Variants in ARHGAP24 observed in about 807,000 individuals in gnomAD.
The protein encoded by ARHGAP24 is Rho GTPase activating protein 24.
Under a neutral mutation model 76.4 loss-of-function variants are expected in ARHGAP24, and 50 were observed. The ratio of observed to expected loss-of-function variants is 0.65; its 90% confidence interval spans 0.52 to 0.83. The LOEUF (loss-of-function observed/expected upper bound fraction) is 0.83. Among genes scored for constraint, ARHGAP24 ranks in the 40% least tolerant of loss-of-function variants. ARHGAP24 has a pLI of 0.00. For missense variants in ARHGAP24, 930 were observed against 914.2 expected (o/e 1.02, Z -0.22); for synonymous variants, 345 against 323.3 (o/e 1.07, Z -0.72).
intron 3 of ARHGAP24, among the ~76,000 whole-genome samples, chr4:85,749,645 C>T (rs1726182873): frequency 6.6e-6 from 1 of 152,122 alleles, no homozygotes; most frequent in Non-Finnish European, 1.5e-5. Flanking sequence ...AGTCTTGGCC[C>T]ACTGCAACCT....
chr4:85,844,278 C>G (rs1302529274), intron 3 of ARHGAP24, among the ~76,000 whole-genome samples: 3 of 152,192 alleles, frequency 2.0e-5, no homozygotes. Context: ...CCAATAGGAT[C>G]CATTAGCGGA....
intron 3 of ARHGAP24, among the ~76,000 whole-genome samples, chr4:85,890,160 A>G (rs967875921): frequency 2.0e-5 from 3 of 152,174 alleles, no homozygotes; most frequent in Non-Finnish European, 4.4e-5. Flanking sequence ...CCTCTTAGCT[A>G]TCAGTTAACA....
chr4:85,949,830 T>C (rs914615412), intron 5 of ARHGAP24, among the ~76,000 whole-genome samples: 1 of 152,194 alleles, frequency 6.6e-6, no homozygotes, highest in African/African-American at 2.4e-5. Flanking sequence ...ACAATCTACC[T>C]TATTCACTCA....
intron 3 of ARHGAP24, among the ~76,000 whole-genome samples, chr4:85,839,160 A>G (rs1730450558): frequency 6.6e-6 from 1 of 152,256 alleles, no homozygotes; most frequent in Non-Finnish European, 1.5e-5. Flanking sequence ...AAAACAGAGA[A>G]GACTCAGTAA....
intron 8 of ARHGAP24, 128 bp downstream of exon 8, chr4:85,977,819 G>A: frequency 8.7e-7 from 1 of 1,145,582 alleles, no homozygotes; most frequent in Non-Finnish European, 1.3e-6. Context: ...TTTATTAACT[G>A]AAGTTCTTTA....
chr4:85,628,093 C>G (rs1282771072), intron 2 of ARHGAP24, among the ~76,000 whole-genome samples: 2 of 152,182 alleles, frequency 1.3e-5, no homozygotes, highest in Non-Finnish European at 2.9e-5. Flanking sequence ...CCTGCACCTA[C>G]TGTCTGGCAC....
At chr4:85,756,387 G>C (rs893691855) in intron 3 of ARHGAP24, among the ~76,000 whole-genome samples, 1 of 152,160 alleles carries the variant, frequency 6.6e-6, no homozygotes, top group East Asian at 1.9e-4. Flanking sequence ...ACTTCAAAAT[G>C]CTGAAATTCC....
At chr4:85,683,109 T>TGTGGG (rs1553922558) in intron 2 of ARHGAP24, among the ~76,000 whole-genome samples, 62 of 17,480 alleles carry the variant, frequency 3.5e-3, no homozygotes, top group African/African-American at 0.011. Context: ...TCTCAGTGTG[T>TGTGGG]GGGGGGGTGG....
intron 3 of ARHGAP24, among the ~76,000 whole-genome samples, chr4:85,742,496 A>T (rs1725862985): frequency 6.6e-6 from 1 of 152,198 alleles, no homozygotes; most frequent in Non-Finnish European, 1.5e-5. Context: ...TGAGAAAAAA[A>T]GGTGAAAAGT....
chr4:85,985,764 T>C lies in ARHGAP24; in HGVS notation c.928+8073T>C, dbSNP rs1303322933. Among the ~76,000 whole-genome samples, 4 of 152,202 alleles carry C rather than the reference T, an allele frequency of 2.6e-5. No individual in the cohort carries two copies. The East Asian group carries it at 7.7e-4, about 29-fold the overall frequency. ...GAGATCAAATTTGTATTTGTGCTCA[T>C]GCCTCCTAATCATTTGCTGTGCATT... On this transcript the variant is annotated intron_variant, in intron 8 of 9. Transcript: ENST00000395184.
intron 3 of ARHGAP24, among the ~76,000 whole-genome samples, chr4:85,896,959 A>G (rs932252563): frequency 3.9e-5 from 6 of 152,062 alleles, no homozygotes; most frequent in Non-Finnish European, 4.4e-5. Flanking sequence ...GGTTTAAAAA[A>G]TCTCTTTTAG....
At chr4:85,532,699 C>G (rs1725318516) in intron 1 of ARHGAP24, among the ~76,000 whole-genome samples, 2 of 152,134 alleles carry the variant, frequency 1.3e-5, no homozygotes, top group Non-Finnish European at 2.9e-5. Context: ...GTTGTTTTTA[C>G]CAGTTTATTA....
At chr4:85,611,825 C>CT (rs1007950803) in intron 2 of ARHGAP24, among the ~76,000 whole-genome samples, 8 of 152,120 alleles carry the variant, frequency 5.3e-5, no homozygotes. Context: ...GTGAGTACAT[C>CT]TTGTTTTCAA....
intron 3 of ARHGAP24, among the ~76,000 whole-genome samples, chr4:85,853,395 G>T (rs889146575): frequency 6.6e-6 from 1 of 152,090 alleles, no homozygotes; most frequent in East Asian, 1.9e-4. Context: ...GCTTCCCTTG[G>T]CTAAGAAAGG....
chr4:85,705,938 G>T (rs978041811), intron 2 of ARHGAP24, among the ~76,000 whole-genome samples: 1 of 152,014 alleles, frequency 6.6e-6, no homozygotes, highest in Non-Finnish European at 1.5e-5. Flanking sequence ...TATCAAGAGG[G>T]GAAAGGAAGA....
At chr4:85,636,337 T>G (rs997871011) in intron 2 of ARHGAP24, among the ~76,000 whole-genome samples, 8 of 151,974 alleles carry the variant, frequency 5.3e-5, no homozygotes, top group African/African-American at 1.7e-4. Flanking sequence ...ACTCACAAGA[T>G]AATATCTGCA....
chr4:85,665,257 A>C (rs1455880339), intron 2 of ARHGAP24, among the ~76,000 whole-genome samples: 1 of 151,940 alleles, frequency 6.6e-6, no homozygotes, highest in Non-Finnish European at 1.5e-5. Flanking sequence ...TGATCCCTTT[A>C]CCATTATGTA....
At chr4:85,752,826 C>A (rs1185601660) in intron 3 of ARHGAP24, among the ~76,000 whole-genome samples, 1 of 152,160 alleles carries the variant, frequency 6.6e-6, no homozygotes, top group African/African-American at 2.4e-5. Context: ...CCTTGCTTGG[C>A]ACAAAGGAGC....
chr4:85,588,282 C>T lies in ARHGAP24; in HGVS notation c.180+17561C>T, dbSNP rs114657057. ...GCTTTTTAATTGTTGACGTTTTGTGCTTGCTAAATGCTTCTTGCTGCCTTT... is the reference window on the plus strand; with the variant it reads ...GCTTTTTAATTGTTGACGTTTTGTGTTTGCTAAATGCTTCTTGCTGCCTTT... On this transcript the variant is annotated intron_variant, in intron 2 of 9. Transcript: ENST00000395184. Among the ~76,000 whole-genome samples the T allele has an allele frequency of 6.8e-3, 1,030 of 152,278 alleles. 13 individuals carry two copies. The highest frequency in any genetic ancestry group is 0.023 in the African/African-American group (957 of 41,546).
Sources: gnomAD v4.1 joint callset for allele counts (sites outside exome capture counted in the v4.1 genomes callset) on GRCh38, gnomAD v4.1.1 for gene constraint, MANE v1.5 for transcripts, NCBI Gene and HGNC (gene_info 2026-07-23, HGNC 2026-07-21) for gene names.